FHIT: variants seen among roughly 807,000 people sequenced by gnomAD.
The protein encoded by FHIT is fragile histidine triad diadenosine triphosphatase.
Under a neutral mutation model 17.9 loss-of-function variants are expected in FHIT, and 19 were observed. The observed-to-expected ratio is 1.06, with a 90% CI of 0.74 to 1.56. The LOEUF is 1.56. Ranked by LOEUF, FHIT falls within the 40% of genes most tolerant of loss-of-function variation. The pLI is 0.00. For missense variants in FHIT, 248 were observed against 189.2 expected (o/e 1.31, Z -1.82); for synonymous variants, 81 against 69.7 (o/e 1.16, Z -0.81).
At chr3:60,695,559 T>A (rs1362254565) in intron 4 of FHIT, among the ~76,000 whole-genome samples, 1 of 152,196 alleles carries the variant, frequency 6.6e-6, no homozygotes, top group Non-Finnish European at 1.5e-5. Flanking sequence ...ATTTCCTACA[T>A]CTGTAAACTG....
chr3:59,928,994 C>CAA (rs56107626), intron 7 of FHIT, among the ~76,000 whole-genome samples: 1,776 of 33,146 alleles, frequency 0.054, 249 homozygotes, highest in African/African-American at 0.11. Flanking sequence ...GACTTCATCT[C>CAA]AAAAAAAAAA....
At chr3:60,451,799 A>C (rs935346113) in intron 5 of FHIT, among the ~76,000 whole-genome samples, 1 of 152,182 alleles carries the variant, frequency 6.6e-6, no homozygotes, top group African/African-American at 2.4e-5. Context: ...GGGAGATTGC[A>C]TAAGGACCAG....
At chr3:60,544,213 T>C (rs1230452612) in intron 4 of FHIT, among the ~76,000 whole-genome samples, 1 of 151,986 alleles carries the variant, frequency 6.6e-6, no homozygotes, top group African/African-American at 2.4e-5. Flanking sequence ...ATCCTTTTCT[T>C]GTTCCTGACC....
intron 8 of FHIT, among the ~76,000 whole-genome samples, chr3:59,869,484 C>CTTTTTTTTTTTT (rs59589849): frequency 0.019 from 2,004 of 105,266 alleles, 332 homozygotes; most frequent in African/African-American, 0.053. Context: ...AAAGAACATC[C>CTTTTTTTTTTTT]TTTTTTTTTT....
intron 8 of FHIT, among the ~76,000 whole-genome samples, chr3:59,851,417 T>A (rs562595111): frequency 6.6e-6 from 1 of 152,216 alleles, no homozygotes; most frequent in African/African-American, 2.4e-5. Context: ...ACAACTCCCA[T>A]GCAAGGGACC....
intron 4 of FHIT, among the ~76,000 whole-genome samples, chr3:60,698,908 AACTG>A (rs2107903044): frequency 6.6e-6 from 1 of 152,312 alleles, no homozygotes; most frequent in African/African-American, 2.4e-5. Flanking sequence ...CACCCAGAGA[AACTG>A]ACTTTTAACA....
At chr3:60,611,268 A>G (rs17670198) in intron 4 of FHIT, among the ~76,000 whole-genome samples, 44,878 of 152,118 alleles carry the variant, frequency 0.3, 6,797 homozygotes, top group Non-Finnish European at 0.31. Context: ...GGTCCAATGA[A>G]AAAGAGGATT....
chr3:60,216,671 T>C (rs1307465156), intron 5 of FHIT, among the ~76,000 whole-genome samples: 3 of 152,224 alleles, frequency 2.0e-5, no homozygotes, highest in Non-Finnish European at 4.4e-5. Context: ...TAAACAAGGC[T>C]GGTTGGATAG....
intron 8 of FHIT, among the ~76,000 whole-genome samples, chr3:59,859,160 A>G (rs1702300879): frequency 6.6e-6 from 1 of 152,208 alleles, no homozygotes; most frequent in Non-Finnish European, 1.5e-5. Context: ...AGAAATGCTC[A>G]AAGAATGATG....
intron 3 of FHIT, among the ~76,000 whole-genome samples, chr3:61,024,039 A>C (rs2107652779): frequency 6.6e-6 from 1 of 152,304 alleles, no homozygotes; most frequent in East Asian, 1.9e-4. Context: ...CATGTTGGAC[A>C]GTATTATAAA....
At chr3:60,159,058 C>A (rs1247296535) in intron 5 of FHIT, among the ~76,000 whole-genome samples, 1 of 152,074 alleles carries the variant, frequency 6.6e-6, no homozygotes, top group African/African-American at 2.4e-5. Flanking sequence ...CCCCAAGGAG[C>A]CTCTTTAGAC....
chr3:60,705,936 T>G (rs2041361800), intron 4 of FHIT, among the ~76,000 whole-genome samples: 1 of 152,214 alleles, frequency 6.6e-6, no homozygotes, highest in Non-Finnish European at 1.5e-5. Context: ...ATATTATTTT[T>G]TGTTACAGCC....
At chr3:60,626,908 G>C (rs1195795355) in intron 4 of FHIT, among the ~76,000 whole-genome samples, 1 of 151,380 alleles carries the variant, frequency 6.6e-6, no homozygotes, top group African/African-American at 2.4e-5. Flanking sequence ...ATGAAAGGGT[G>C]TTAAATGTTT....
At chr3:60,240,624 T>C (rs767754702) in intron 5 of FHIT, among the ~76,000 whole-genome samples, 9 of 152,092 alleles carry the variant, frequency 5.9e-5, no homozygotes, top group Non-Finnish European at 1.2e-4. Context: ...TCAAATGCTA[T>C]AGAACAAAGA....
At chr3:60,360,326 G>C (rs548163409) in intron 5 of FHIT, among the ~76,000 whole-genome samples, 36 of 151,804 alleles carry the variant, frequency 2.4e-4, no homozygotes, top group Non-Finnish European at 4.4e-4. Context: ...AAAAGACAAA[G>C]GCAACTTAAG....
chr3:60,886,890 T>C (rs1553759379), intron 3 of FHIT, among the ~76,000 whole-genome samples: 1 of 152,202 alleles, frequency 6.6e-6, no homozygotes. Flanking sequence ...TAGCAACCTG[T>C]ACAAATGTCT....
intron 4 of FHIT, among the ~76,000 whole-genome samples, chr3:60,558,758 C>T (rs1005287165): frequency 2.0e-5 from 3 of 152,156 alleles, no homozygotes; most frequent in Non-Finnish European, 4.4e-5. Flanking sequence ...GACATGTTCT[C>T]CTGCAGGGCA....
chr3:60,865,177 T>G (rs1553753583), intron 3 of FHIT, among the ~76,000 whole-genome samples: 1 of 152,182 alleles, frequency 6.6e-6, no homozygotes, highest in African/African-American at 2.4e-5. Context: ...AACTAAAAAA[T>G]TCTCCCATTT....
chr3:60,172,043 C>T (rs1701441097), intron 5 of FHIT, among the ~76,000 whole-genome samples: 1 of 152,040 alleles, frequency 6.6e-6, no homozygotes, highest in Admixed American at 6.6e-5. Context: ...CCAAACAGCC[C>T]CAGTTTTTAC....
Sources: allele counts gnomAD v4.1 joint callset (sites outside exome capture counted in the v4.1 genomes callset), GRCh38; gene constraint gnomAD v4.1.1; transcripts MANE v1.5; gene names NCBI Gene and HGNC (gene_info 2026-07-23, HGNC 2026-07-21).